Variants in DDX60 observed in about 807,000 individuals in gnomAD.
The protein encoded by DDX60 is DExD/H-box helicase 60.
In DDX60, 165 loss-of-function variants were observed where a neutral mutation model predicts 212.8. The ratio of observed to expected loss-of-function variants is 0.78; its 90% CI spans 0.68 to 0.88. The LOEUF is 0.88. DDX60 is among the 40% of genes least tolerant of loss of function. The probability of loss-of-function intolerance (pLI) is 0.00; values close to 1 mark genes in which losing one functional copy is unlikely to be tolerated. For synonymous variants in DDX60, 703 were observed against 685.3 expected (o/e 1.03, Z -0.40); for missense variants, 1,905 against 2,003.9 (o/e 0.95, Z 0.94).
intron 6 of DDX60, among the ~76,000 whole-genome samples, chr4:168,301,529 A>G (rs1736647274): frequency 6.6e-6 from 1 of 152,186 alleles, no homozygotes; most frequent in South Asian, 2.1e-4. Context: ...AGATAATTAT[A>G]ATGTTGGATT....
At position 168,221,781 on chromosome 4, in the gene DDX60, G is replaced by A; in HGVS notation, c.4925C>T (p.Ala1642Val). The A allele has an allele frequency of 6.2e-7, 1 of 1,613,296 alleles. No homozygotes were observed. Among genetic ancestry groups the A allele is most frequent in the South Asian group, 1.1e-5 (1 of 90,996 alleles). Residue 1642 changes from alanine (A) to valine (V), a missense_variant, in exon 36 of 38, where the codon GCA (alanine) becomes GTA (valine). Coordinates refer to ENST00000393743, the MANE Select transcript of DDX60 (RefSeq NM_017631.6). ...GGAACCATGTTTGTAGAAATCCAGT[G>A]CATAGGCATTAAGCGACATTTTCCT... ...RGRKMSLNAY[A>V]LDFYKHGSLI...
At position 168,291,908 on chromosome 4, in the gene DDX60, T is replaced by C; in HGVS notation, c.883-2A>G. Reference sequence around the variant, plus strand: ...CAGGGTTAAGCAATTACTGTTCACCTGAATAAAATAAAGAAGGTATAAGCC... The same window carrying C: ...CAGGGTTAAGCAATTACTGTTCACCCGAATAAAATAAAGAAGGTATAAGCC... On this transcript the variant is annotated splice_acceptor_variant, in intron 7 of 37. Coordinates refer to ENST00000393743, the MANE Select transcript of DDX60 (RefSeq NM_017631.6). LOFTEE classifies it high-confidence loss of function. The C allele has an allele frequency of 6.2e-7, 1 of 1,601,156 alleles. No individual in the cohort carries two copies.
chr4:168,252,457 T>A, intron 27 of DDX60, 52 bp downstream of exon 27: 1 of 1,606,930 alleles, frequency 6.2e-7, no homozygotes, highest in Non-Finnish European at 8.5e-7. Flanking sequence ...ACTAACAAGC[T>A]ATGGCTGACA....
chr4:168,246,653 C>T (rs771977395), intron 29 of DDX60, 35 bp from the exon 30 acceptor site: 1 of 1,605,524 alleles, frequency 6.2e-7, no homozygotes, highest in East Asian at 2.2e-5. Flanking sequence ...GTAAAACTTC[C>T]CTAAATGCTT....
chr4:168,223,115 A>C (rs189981993), intron 35 of DDX60, among the ~76,000 whole-genome samples: 139 of 152,168 alleles, frequency 9.1e-4, no homozygotes, highest in Middle Eastern at 6.8e-3. Context: ...AAAGTGAAAA[A>C]CACAAAGTTT....
chr4:168,314,298 T>G (rs979119501), intron 1 of DDX60, among the ~76,000 whole-genome samples: 12 of 151,076 alleles, frequency 7.9e-5, no homozygotes, highest in Admixed American at 7.9e-4. Context: ...TCCAGCCACC[T>G]GTAGTAACTA....
chr4:168,308,793 A>G (rs1482481621), intron 3 of DDX60, among the ~76,000 whole-genome samples: 1 of 150,508 alleles, frequency 6.6e-6, no homozygotes, highest in East Asian at 1.9e-4. Flanking sequence ...TATTCAATAA[A>G]TATATTAGAA....
At chr4:168,324,908 C>A in the DDX60 span, among the ~76,000 whole-genome samples, 1 of 152,198 alleles carries the variant, frequency 6.6e-6, no homozygotes. Flanking sequence ...CAGAAGGCTG[C>A]TGAGGTATAT....
At chr4:168,282,984 G>C (rs759835346) in intron 13 of DDX60, among the ~76,000 whole-genome samples, 3 of 152,074 alleles carry the variant, frequency 2.0e-5, no homozygotes, top group South Asian at 4.1e-4. Context: ...CACAGAAAGA[G>C]GGAATGGAGA....
chr4:168,216,668 A>T lies in DDX60; in HGVS notation c.*265T>A. On this transcript the variant is annotated 3_prime_UTR_variant, in exon 38 of 38. Coordinates refer to ENST00000393743, the MANE Select transcript of DDX60 (RefSeq NM_017631.6). The stretch of plus-strand genomic sequence containing the variant: ...CTCGCATTTTTTTAGTCAATCCTCA[A>T]ACTACCTGAGATGTAACCATTATTA... The T allele has an allele frequency of 3.9e-6, 1 of 254,272 alleles. No homozygotes were observed. The highest frequency in any genetic ancestry group is 7.9e-5 in the East Asian group (1 of 12,706). The allele number at this position is 254,272 out of a possible 1,614,324, so 15.8% of individuals were successfully genotyped here.
At chr4:168,236,127 C>T in intron 33 of DDX60, 125 bp downstream of exon 33, 2 of 909,404 alleles carry the variant, frequency 2.2e-6, no homozygotes, top group Non-Finnish European at 1.6e-6. Context: ...ACAAAAAGAA[C>T]AAATTATTCT....
chr4:168,247,724 A>G (rs1734070387), intron 29 of DDX60, among the ~76,000 whole-genome samples: 1 of 152,158 alleles, frequency 6.6e-6, no homozygotes, highest in Admixed American at 6.5e-5. Context: ...AAAATCAAAT[A>G]CCTCTATGGG....
chr4:168,290,112 G>A (rs575771198), intron 8 of DDX60, among the ~76,000 whole-genome samples: 25 of 152,144 alleles, frequency 1.6e-4, no homozygotes, highest in Non-Finnish European at 2.6e-4. Flanking sequence ...TCTCTTGCCC[G>A]CCTCTTCAGC....
chr4:168,301,914 AG>A lies in DDX60; in HGVS notation c.723+385del, dbSNP rs1205979836. On this transcript the variant is annotated intron_variant, in intron 6 of 37. Coordinates refer to ENST00000393743, the MANE Select transcript of DDX60 (RefSeq NM_017631.6). ...ATTAATTCAGTGACATTCTGGCCAAAGATGTATAACCTCATTACTGATTCGC... is the reference window on the plus strand; with the variant it reads ...ATTAATTCAGTGACATTCTGGCCAAAATGTATAACCTCATTACTGATTCGC... 2.6e-5 allele frequency among the ~76,000 whole-genome samples: 4 copies of A among 152,244 alleles called. No homozygotes were observed. In the East Asian group the frequency reaches 7.7e-4, roughly 29 times the overall value.
chr4:168,300,590 G>T (rs1736607428), intron 6 of DDX60, among the ~76,000 whole-genome samples: 1 of 151,876 alleles, frequency 6.6e-6, no homozygotes, highest in Non-Finnish European at 1.5e-5. Context: ...ATGTGTGTGT[G>T]TGTGTGTGTG....
chr4:168,296,349 A>G (rs1736343150), intron 6 of DDX60, among the ~76,000 whole-genome samples: 1 of 152,084 alleles, frequency 6.6e-6, no homozygotes, highest in South Asian at 2.1e-4. Flanking sequence ...ACCTAAGGGG[A>G]CAATTTTCTG....
chr4:168,243,352 T>A (rs1464695299), intron 30 of DDX60, among the ~76,000 whole-genome samples: 1 of 151,194 alleles, frequency 6.6e-6, no homozygotes, highest in African/African-American at 2.4e-5. Flanking sequence ...TGGGAGAAAA[T>A]TATCCATCCA....
intron 23 of DDX60, 144 bp downstream of exon 23, chr4:168,262,539 T>C: frequency 1.7e-6 from 1 of 582,610 alleles, no homozygotes. Flanking sequence ...ACAGATAATG[T>C]TAGAAATATG....
intron 22 of DDX60, among the ~76,000 whole-genome samples, chr4:168,265,879 AGGG>A (rs1734827191): frequency 7.1e-6 from 1 of 141,172 alleles, no homozygotes; most frequent in African/African-American, 2.7e-5. Flanking sequence ...AGGGAAGGGA[AGGG>A]AAGGGAAGGG....
Sources: gnomAD v4.1 joint callset for allele counts (sites outside exome capture counted in the v4.1 genomes callset) on GRCh38, gnomAD v4.1.1 for gene constraint, MANE v1.5 for transcripts, NCBI Gene and HGNC (gene_info 2026-07-23, HGNC 2026-07-21) for gene names.